The following PIGL variants were observed in gnomAD, a reference collection of about 807,000 sequenced individuals.
PIGL encodes the protein N-acetylglucosaminyl-phosphatidylinositol de-N-acetylase.
In PIGL, 22 loss-of-function variants were observed where a neutral mutation model predicts 31.1. The observed-to-expected ratio is 0.71, with a 90% CI of 0.51 to 1.01. The LOEUF (loss-of-function observed/expected upper bound fraction) is 1.01. PIGL is among the 50% of genes least tolerant of loss of function. The pLI, the probability that PIGL is intolerant of heterozygous loss-of-function variation, is 0.00. For synonymous variants in PIGL, 131 were observed against 117.4 expected (o/e 1.12, Z -0.75); for missense variants, 302 against 315.9 (o/e 0.96, Z 0.33).
At chr17:16,309,853 C>A (rs1175038556) in intron 3 of PIGL, among the ~76,000 whole-genome samples, 2 of 151,912 alleles carry the variant, frequency 1.3e-5, no homozygotes, top group African/African-American at 4.8e-5. Flanking sequence ...CCAAGGCAAG[C>A]GGATAACTTT....
intron 2 of PIGL, among the ~76,000 whole-genome samples, chr17:16,291,189 A>G (rs1257382696): frequency 6.6e-6 from 1 of 152,178 alleles, no homozygotes; most frequent in Non-Finnish European, 1.5e-5. Context: ...TCTTTTAACC[A>G]GTTCTTTCCA....
chr17:16,322,440 C>G lies in PIGL; in HGVS notation c.661-3360C>G, dbSNP rs575862795. Among the ~76,000 whole-genome samples, 27 of 152,160 alleles carry G rather than the reference C, an allele frequency of 1.8e-4. No homozygotes were observed. In the East Asian group the frequency reaches 5.0e-3, roughly 28 times the overall value. Reference sequence around the variant, plus strand: ...TAACTTGAAAGGTTAGCTTTGTTTTCATTTTCAATCTTTAAAAAAAAAATA... The same window carrying G: ...TAACTTGAAAGGTTAGCTTTGTTTTGATTTTCAATCTTTAAAAAAAAAATA... On this transcript the variant is annotated intron_variant, in intron 6 of 6. Coordinates refer to ENST00000225609, the MANE Select transcript of PIGL (RefSeq NM_004278.4).
chr17:16,248,999 T>C (rs963006991), intron 2 of PIGL, among the ~76,000 whole-genome samples: 1 of 152,138 alleles, frequency 6.6e-6, no homozygotes, highest in African/African-American at 2.4e-5. Context: ...ATCTCTTCCT[T>C]TTCTTATAGC....
chr17:16,235,072 AC>A (rs2092694205), intron 2 of PIGL, among the ~76,000 whole-genome samples: 1 of 152,140 alleles, frequency 6.6e-6, no homozygotes, highest in African/African-American at 2.4e-5. Flanking sequence ...AACTCCAACC[AC>A]CAGGTTTTTT....
At chr17:16,248,034 C>T (rs540132986) in intron 2 of PIGL, among the ~76,000 whole-genome samples, 2 of 152,060 alleles carry the variant, frequency 1.3e-5, no homozygotes, top group Non-Finnish European at 2.9e-5. Flanking sequence ...ATTACAGGCG[C>T]GCACCACCAC....
intron 1 of PIGL, among the ~76,000 whole-genome samples, chr17:16,232,170 T>C (rs1441991084): frequency 3.3e-5 from 5 of 151,970 alleles, no homozygotes; most frequent in East Asian, 3.9e-4. Flanking sequence ...CCCAGCTACT[T>C]AGGAGGCTGA....
At position 16,219,672 on chromosome 17, in the gene PIGL, A is replaced by G. The variant is rs1385995203; in HGVS notation, c.235+2211A>G. On this transcript the variant is annotated intron_variant, in intron 1 of 6. Coordinates refer to ENST00000225609, the MANE Select transcript of PIGL (RefSeq NM_004278.4). ...AACCTACGCCTCCTGAGTTTAAGCA[A>G]TTCTCTTACCTCAGCCTCTCGAGTA... is the stretch of plus-strand genomic sequence containing the variant. Among the ~76,000 whole-genome samples, 3 of 152,054 alleles carry G rather than the reference A, an allele frequency of 2.0e-5. No individual in the cohort carries two copies. The East Asian group carries it at 5.8e-4, about 29-fold the overall frequency.
chr17:16,321,792 G>GT (rs925832593), intron 6 of PIGL, among the ~76,000 whole-genome samples: 8 of 144,374 alleles, frequency 5.5e-5, no homozygotes, highest in African/African-American at 1.3e-4. Context: ...TTATTTTATG[G>GT]TTTTTTTTTG....
intron 3 of PIGL, among the ~76,000 whole-genome samples, chr17:16,307,069 C>T (rs565698880): frequency 3.9e-4 from 59 of 152,262 alleles, no homozygotes; most frequent in Non-Finnish European, 6.9e-4. Flanking sequence ...GGGAGCTGCT[C>T]GGTTTTAACA....
chr17:16,324,881 AACGACAACTCAC>A (rs2093120647), intron 6 of PIGL, among the ~76,000 whole-genome samples: 1 of 152,178 alleles, frequency 6.6e-6, no homozygotes, highest in Admixed American at 6.5e-5. Context: ...AGAAGATAGG[AACGACAACTCAC>A]ACCTGTGTGC....
At chr17:16,231,661 A>G (rs986703846) in intron 1 of PIGL, among the ~76,000 whole-genome samples, 1 of 152,150 alleles carries the variant, frequency 6.6e-6, no homozygotes, top group Non-Finnish European at 1.5e-5. Flanking sequence ...GTCTTTACAA[A>G]ATGTCTTTAC....
intron 2 of PIGL, among the ~76,000 whole-genome samples, chr17:16,282,340 C>T (rs569780544): frequency 6.6e-6 from 1 of 152,174 alleles, no homozygotes; most frequent in Admixed American, 6.5e-5. Flanking sequence ...TTCTTTACAA[C>T]TTAGAAAAGC....
chr17:16,224,543 G>A (rs2092643552), intron 1 of PIGL, among the ~76,000 whole-genome samples: 1 of 152,002 alleles, frequency 6.6e-6, no homozygotes, highest in African/African-American at 2.4e-5. Flanking sequence ...TTGACCTCAG[G>A]TGATCCAATC....
chr17:16,251,182 T>C (rs1381121208), intron 2 of PIGL, among the ~76,000 whole-genome samples: 1 of 152,050 alleles, frequency 6.6e-6, no homozygotes, highest in Non-Finnish European at 1.5e-5. Flanking sequence ...TCCTAGCACT[T>C]TGGGAGGCCG....
chr17:16,322,806 G>A (rs950163029), intron 6 of PIGL, among the ~76,000 whole-genome samples: 1 of 152,144 alleles, frequency 6.6e-6, no homozygotes, highest in Non-Finnish European at 1.5e-5. Flanking sequence ...CTCTCCTACT[G>A]TAAAAAAATA....
At chr17:16,292,282 C>G (rs951508559) in intron 2 of PIGL, among the ~76,000 whole-genome samples, 2 of 151,972 alleles carry the variant, frequency 1.3e-5, no homozygotes, top group African/African-American at 4.8e-5. Flanking sequence ...GATCCACCCG[C>G]CTCAGCCTCC....
chr17:16,293,522 C>T (rs1003162298), intron 2 of PIGL, among the ~76,000 whole-genome samples: 8 of 152,046 alleles, frequency 5.3e-5, no homozygotes, highest in African/African-American at 1.9e-4. Context: ...AAGGAGACTC[C>T]GTCTCAAAAA....
chr17:16,233,144 C>T (rs1287794038), intron 1 of PIGL, among the ~76,000 whole-genome samples: 1 of 151,422 alleles, frequency 6.6e-6, no homozygotes, highest in Non-Finnish European at 1.5e-5. Flanking sequence ...CTCCACTTAA[C>T]TGGTGAAGAA....
At chr17:16,289,594 G>T (rs766385701) in intron 2 of PIGL, among the ~76,000 whole-genome samples, 12 of 152,194 alleles carry the variant, frequency 7.9e-5, no homozygotes, top group Admixed American at 1.3e-4. Context: ...TGCTTAAAAT[G>T]AAAGGAAGTT....
Sources: gnomAD v4.1 joint callset for allele counts (sites outside exome capture counted in the v4.1 genomes callset) on GRCh38, gnomAD v4.1.1 for gene constraint, MANE v1.5 for transcripts, NCBI Gene and HGNC (gene_info 2026-07-23, HGNC 2026-07-21) for gene names.